FN1: variants seen among roughly 807,000 people sequenced by gnomAD.
FN1 encodes the protein fibronectin 1, also known as fibronectin.
In FN1, 106 loss-of-function variants were observed where a neutral mutation model predicts 297.3. The observed-to-expected ratio is 0.36, with a 90% CI of 0.30 to 0.42. The LOEUF (loss-of-function observed/expected upper bound fraction) is 0.42, where lower values mean the gene tolerates loss of function less well. FN1 is among the 10% of genes least tolerant of loss of function. The pLI is 1.00. For synonymous variants in FN1, 1,149 were observed against 1,152.6 expected (o/e 1.00, Z 0.06); for missense variants, 2,690 against 3,124.9 (o/e 0.86, Z 3.32).
At chr2:215,426,081 TC>T (rs2065293518) in intron 6 of FN1, among the ~76,000 whole-genome samples, 1 of 152,136 alleles carries the variant, frequency 6.6e-6, no homozygotes, top group South Asian at 2.1e-4. Context: ...AACCAATTGA[TC>T]CTCTTAAGAC....
chr2:215,420,502 T>A (rs530978714), intron 11 of FN1, among the ~76,000 whole-genome samples, 171 bp downstream of exon 11: 1 of 152,152 alleles, frequency 6.6e-6, no homozygotes, highest in Non-Finnish European at 1.5e-5. Context: ...ACTACCAATA[T>A]CGAGATATTT....
Position 215,434,851 on chromosome 2 carries a change from C to T in FN1, c.149-27G>A, listed in dbSNP as rs1559624914. 12 of 1,607,938 alleles carry T rather than the reference C, an allele frequency of 7.5e-6. No individual in the cohort carries two copies. In the South Asian group the frequency reaches 1.1e-4, roughly 15 times the overall value. ...TGCAAATAATTGAAGGAAAACGTTA[C>T]ATTTGCATTTCTCCTTTTCCCAAAA... is the stretch of plus-strand genomic sequence containing the variant. On this transcript the variant is annotated intron_variant, in intron 1 of 45. Transcript: ENST00000354785.
At chr2:215,407,719 G>A (rs1312836381) in intron 17 of FN1, among the ~76,000 whole-genome samples, 1 of 152,150 alleles carries the variant, frequency 6.6e-6, no homozygotes, top group Non-Finnish European at 1.5e-5. Context: ...CTTCAGTGAT[G>A]AGGCAGTTGA....
At chr2:215,370,197 A>C in intron 41 of FN1, 97 bp downstream of exon 41, 3 of 1,282,856 alleles carry the variant, frequency 2.3e-6, no homozygotes, top group Middle Eastern at 1.9e-4. Flanking sequence ...TCCCAAAGAT[A>C]AAAAGACAAT....
At position 215,393,179 on chromosome 2, in the gene FN1, C is replaced by T; in HGVS notation, c.3821G>A (p.Ser1274Asn). 6.2e-7 allele frequency: 1 copy of T among 1,613,632 alleles called. No homozygotes were observed. Reference sequence around the variant, plus strand: ...GCTTGAATCGGTTATATCAACAAAGCTTAGGTCAGTGAGTTGGGGCACCTC... The same window carrying T: ...GCTTGAATCGGTTATATCAACAAAGTTTAGGTCAGTGAGTTGGGGCACCTC... ...IPEVPQLTDL[S>N]FVDITDSSIG... The change falls in exon 25 of 46, where the codon AGC (serine) becomes AAC (asparagine). Residue 1274 changes from serine to asparagine, a missense_variant. Transcript: ENST00000354785.
At chr2:215,416,543 T>C (rs2063459801) in intron 12 of FN1, among the ~76,000 whole-genome samples, 1 of 152,200 alleles carries the variant, frequency 6.6e-6, no homozygotes, top group Admixed American at 6.5e-5. Context: ...ATCATGTCCT[T>C]AATTATTTAT....
intron 43 of FN1, 41 bp from the exon 44 acceptor site, chr2:215,365,026 A>G (rs1453005127): frequency 3.1e-6 from 4 of 1,283,776 alleles, no homozygotes; most frequent in Non-Finnish European, 4.4e-6. Flanking sequence ...TAAGCTGAGA[A>G]CAATACTGCA....
Position 215,383,467 on chromosome 2 carries a change from G to T in FN1, c.4911C>A (p.Ser1637=), listed in dbSNP as rs755596358. Residue 1637 remains serine, a synonymous_variant, in exon 31 of 46, where the codon TCC becomes TCA. Coordinates refer to ENST00000354785, the MANE Select transcript of FN1 (RefSeq NM_212482.4). The part of the protein sequence containing the change: ...INYRTEIDKP[S]QMQVTDVQDN... The stretch of plus-strand genomic sequence containing the variant: ...CCTGAACATCGGTCACTTGCATCTG[G>T]GATGGTTTGTCAATTTCTACAAATA... 1.9e-6 allele frequency: 3 copies of T among 1,614,066 alleles called. No individual in the cohort carries two copies. The highest frequency in any genetic ancestry group is 2.5e-6 in the Non-Finnish European group (3 of 1,180,002).
At position 215,401,298 on chromosome 2, in the gene FN1, GAGAA is replaced by G. The variant is rs1438013058; in HGVS notation, c.3254-1951_3254-1948del. On this transcript the variant is annotated intron_variant, in intron 20 of 45. Coordinates refer to ENST00000354785, the MANE Select transcript of FN1 (RefSeq NM_212482.4). ...AAAGGAAAGGAAGAAAAGAGAGAGA[GAGAA>G]AGGAAGGAAGGAAGGAAAGAGAAAG... 1.1e-4 allele frequency among the ~76,000 whole-genome samples: 15 copies of G among 139,896 alleles called. No individual in the cohort carries two copies. In the East Asian group the frequency reaches 1.6e-3, roughly 15 times the overall value. 91.8% of individuals were successfully genotyped at this position (139,896 alleles called of 152,430 possible). A position where few individuals can be genotyped will look rare whatever the true frequency, so the allele number is the denominator to read the frequency against.
intron 42 of FN1, among the ~76,000 whole-genome samples, chr2:215,366,992 G>C (rs1249239606): frequency 6.6e-6 from 1 of 152,136 alleles, no homozygotes; most frequent in Non-Finnish European, 1.5e-5. Context: ...CTTCAGTCTG[G>C]ATTAAATGAT....
At position 215,406,293 on chromosome 2, in the gene FN1, G is replaced by C. The variant is rs2061767306; in HGVS notation, c.2931C>G (p.Val977=). 4 of 1,614,068 alleles carry C rather than the reference G, an allele frequency of 2.5e-6. No individual in the cohort carries two copies. In the South Asian group the frequency reaches 4.4e-5, roughly 18 times the overall value. ...LSPGVTYYFK[V]FAVSHGRESK... ...TCTCCCTCCCATGGCTCACTGCAAA[G>C]ACTTTGAAGTAATAGGTGACCCCAG... Residue 977 remains valine, a synonymous_variant, in exon 19 of 46, where the codon GTC becomes GTG. Transcript: ENST00000354785.
rs1332150602 is a variant in FN1, at chr2:215,409,691, G to A, written c.2171C>T (p.Thr724Ile). 1 of 1,613,988 alleles carries A rather than the reference G, an allele frequency of 6.2e-7. No individual in the cohort carries two copies. Among genetic ancestry groups the A allele is most frequent in the African/African-American group, 1.3e-5 (1 of 74,880 alleles). The change falls in exon 15 of 46, where the codon ACT becomes ATT. Residue 724 changes from threonine to isoleucine, a missense_variant. Thr to Ile is a moderately conservative substitution (Grantham distance 89). Transcript: ENST00000354785. ...ETTPFSPLVA[T>I]SESVTEITAS... ...TGTGATTTCGGTCACAGATTCAGAAGTGGCCACAAGAGGAGAAAAGGGAGT... is the reference window on the plus strand; with the variant it reads ...TGTGATTTCGGTCACAGATTCAGAAATGGCCACAAGAGGAGAAAAGGGAGT...
Position 215,372,077 on chromosome 2 carries a change from C to G in FN1, c.6546G>C (p.Arg2182Ser), listed in dbSNP as rs760028225. ...GEEIQIGHIP[R>S]EDVDYHLYPH... ...GGTACAGGTGATAGTCTACATCTTC[C>G]CTGGGGATGTGACCAATTTGGATTT... is the stretch of plus-strand genomic sequence containing the variant. The change falls in exon 40 of 46, where the codon AGG (arginine) becomes AGC (serine). Residue 2182 changes from arginine to serine, a missense_variant. Around this residue, in one of 3 missense-constraint regions of FN1, gnomAD observed 1,743 missense variants for 1,945.2 expected, o/e 0.90. Coordinates refer to ENST00000354785, the MANE Select transcript of FN1 (RefSeq NM_212482.4). The G allele has an allele frequency of 1.9e-6, 3 of 1,614,046 alleles. No individual in the cohort carries two copies. The East Asian group carries it at 6.7e-5, about 36-fold the overall frequency.
chr2:215,384,179 T>C lies in FN1; in HGVS notation c.4735A>G (p.Asn1579Asp), dbSNP rs189008121. The C allele has an allele frequency of 6.2e-7, 1 of 1,614,160 alleles. No individual in the cohort carries two copies. The highest frequency in any genetic ancestry group is 1.7e-5 in the Admixed American group (1 of 60,020). The change falls in exon 30 of 46, where the codon AAT becomes GAT. Residue 1579 changes from asparagine to aspartate, a missense_variant. By Grantham distance (23) the Asn-to-Asp change is conservative (BLOSUM62 1). Coordinates refer to ENST00000354785, the MANE Select transcript of FN1 (RefSeq NM_212482.4). The part of the protein sequence containing the change: ...YRITYGETGG[N>D]SPVQEFTVPG... ...ACAGTGAACTCCTGGACAGGGCTATTTCCTCCTGTATGAAAAAGGGTTAGT... is the reference window on the plus strand; with the variant it reads ...ACAGTGAACTCCTGGACAGGGCTATCTCCTCCTGTATGAAAAAGGGTTAGT...
intron 24 of FN1, chr2:215,393,719 A>T (rs1190037735): frequency 6.6e-6 from 1 of 152,312 alleles, no homozygotes; most frequent in Non-Finnish European, 1.5e-5. Flanking sequence ...CTAATGCATT[A>T]TGAATGTATG....
Position 215,419,342 on chromosome 2 carries a change from T to C in FN1, c.1719A>G (p.Gly573=). Reference sequence around the variant, plus strand: ...CATGCACATACTTCTCCCATGAATCTCCAATTTGATAAAACGTCCCAGTCT... The same window carrying C: ...CATGCACATACTTCTCCCATGAATCCCCAATTTGATAAAACGTCCCAGTCT... ...DSETGTFYQI[G]DSWEKYVHGV... is the part of the protein sequence containing the mutation. The change falls in exon 12 of 46, where the codon GGA becomes GGG. Residue 573 remains glycine (G), a synonymous_variant. Coordinates refer to ENST00000354785, the MANE Select transcript of FN1 (RefSeq NM_212482.4). 1 of 1,613,222 alleles carries C rather than the reference T, an allele frequency of 6.2e-7. No homozygotes were observed. The highest frequency in any genetic ancestry group is 8.5e-7 in the Non-Finnish European group (1 of 1,179,140).
chr2:215,377,092 G>T lies in FN1; in HGVS notation c.5711-418C>A, dbSNP rs1039004535. On this transcript the variant is annotated intron_variant, in intron 35 of 45. Transcript: ENST00000354785. ...TGAGAGAGAGAGAGAGTGTGTGTGT[G>T]TGTGTGTGTGTGTGTGTGTCTAATA... Among the ~76,000 whole-genome samples, 13 of 151,874 alleles carry T rather than the reference G, an allele frequency of 8.6e-5. 2 individuals are homozygous for T. The South Asian group carries it at 2.7e-3, about 32-fold the overall frequency.
intron 35 of FN1, 73 bp from the exon 36 acceptor site, chr2:215,376,747 T>G: frequency 1.5e-6 from 2 of 1,308,574 alleles, no homozygotes; most frequent in South Asian, 2.4e-5. Flanking sequence ...TTTAAAACGT[T>G]TCCTTGGTAT....
chr2:215,386,281 T>C (rs2105994435), intron 28 of FN1, among the ~76,000 whole-genome samples: 1 of 151,950 alleles, frequency 6.6e-6, no homozygotes, highest in Non-Finnish European at 1.5e-5. Context: ...TTCACTATGT[T>C]GGCCAGGCTG....
Sources: gnomAD v4.1 joint callset for allele counts (sites outside exome capture counted in the v4.1 genomes callset) on GRCh38, gnomAD v4.1.1 for gene constraint, gnomAD v4.1.1 regional missense constraint, MANE v1.5 for transcripts, NCBI Gene and HGNC (gene_info 2026-07-23, HGNC 2026-07-21) for gene names.